Variants in KLHDC8A observed in about 807,000 individuals in gnomAD.
The protein encoded by KLHDC8A is kelch domain containing 8A, also known as kelch domain-containing protein 8A.
KLHDC8A carries 21 observed loss-of-function variants against 33.1 expected under a neutral mutation model. That is an observed-to-expected ratio of 0.64 (90% CI 0.45 to 0.91). The LOEUF (loss-of-function observed/expected upper bound fraction) is 0.91, where lower values mean the gene tolerates loss of function less well. KLHDC8A is among the 40% of genes least tolerant of loss of function. KLHDC8A has a pLI of 0.00. For missense variants in KLHDC8A, 435 were observed against 483.3 expected, an observed-to-expected ratio of 0.90 and a Z score of 0.94; for synonymous variants, 173 against 193.5, an observed-to-expected ratio of 0.89 and a Z score of 0.88.
intron 1 of KLHDC8A, among the ~76,000 whole-genome samples, chr1:205,345,393 A>G (rs944730945): frequency 6.6e-6 from 1 of 152,196 alleles, no homozygotes; most frequent in African/African-American, 2.4e-5. Context: ...TTACAAAACT[A>G]TAGCACAGTA....
intron 2 of KLHDC8A, 24 bp downstream of exon 2, chr1:205,343,205 G>C: frequency 6.5e-7 from 1 of 1,546,268 alleles, no homozygotes; most frequent in Non-Finnish European, 8.8e-7. Context: ...CTCTCTGGCC[G>C]CCCTCAGCCC....
chr1:205,356,035 T>C (rs1663258287), intron 1 of KLHDC8A, among the ~76,000 whole-genome samples: 1 of 152,180 alleles, frequency 6.6e-6, no homozygotes, highest in African/African-American at 2.4e-5. Flanking sequence ...CCGTCACCTG[T>C]ATAGTGAACA....
In KLHDC8A at chr1:205,343,559, G is replaced by A. The variant is rs1662856152; in HGVS notation, c.46C>T (p.Pro16Ser). ...VKDFQWKRLA[P>S]LPSRRVYCSL... ...CAGTAGACCCGGCGGCTGGGCAGTG[G>A]CGCCAGGCGCTTCCACTGGAAGTCC... is the stretch of plus-strand genomic sequence containing the variant. Residue 16 changes from proline (P) to serine (S), a missense_variant, in exon 2 of 6, where the codon CCA becomes TCA. Physicochemically the swap from Pro to Ser is moderately conservative, Grantham distance 74 (BLOSUM62 -1). Transcript: ENST00000367155. 3.7e-6 allele frequency: 6 copies of A among 1,610,778 alleles called. No homozygotes were observed. Among genetic ancestry groups the A allele is most frequent in the South Asian group, 2.2e-5 (2 of 91,024 alleles).
chr1:205,352,732 CA>C (rs993337900), intron 1 of KLHDC8A, among the ~76,000 whole-genome samples: 1 of 152,206 alleles, frequency 6.6e-6, no homozygotes, highest in African/African-American at 2.4e-5. Flanking sequence ...ACTCCTGGGG[CA>C]GGTGGGTGTG....
chr1:205,352,843 G>C (rs1663155014), intron 1 of KLHDC8A, among the ~76,000 whole-genome samples: 1 of 152,246 alleles, frequency 6.6e-6, no homozygotes, highest in African/African-American at 2.4e-5. Context: ...CCTGTAGCCT[G>C]TCGCCAGGAG....
chr1:205,351,112 C>T (rs1257571998), intron 1 of KLHDC8A: 10 of 629,902 alleles, frequency 1.6e-5, no homozygotes, highest in Non-Finnish European at 2.9e-5. Context: ...GAGAAGGGTC[C>T]ACTCCCCGAA....
intron 2 of KLHDC8A, among the ~76,000 whole-genome samples, chr1:205,341,352 C>T (rs1279284109): frequency 3.0e-5 from 1 of 32,872 alleles, no homozygotes; most frequent in African/African-American, 6.1e-5. Flanking sequence ...ACTTTCCAAT[C>T]TTATTGGAAA....
intron 1 of KLHDC8A, among the ~76,000 whole-genome samples, chr1:205,353,844 C>T (rs1663190917): frequency 1.3e-5 from 2 of 152,216 alleles, no homozygotes; most frequent in African/African-American, 4.8e-5. Context: ...ATCTCTACAA[C>T]AACCTTGAGA....
intron 1 of KLHDC8A, among the ~76,000 whole-genome samples, chr1:205,348,811 C>T (rs937217947): frequency 2.0e-5 from 3 of 152,186 alleles, no homozygotes; most frequent in African/African-American, 7.2e-5. Flanking sequence ...CCATACCCTC[C>T]TGTAGCCAAT....
rs1169451466 is a variant in KLHDC8A, at chr1:205,343,647, G to A, written c.-43C>T. ...CCCGGGCGCCGGGAGAGGTGCGAGC[G>A]CGGGGGTCCACCGGCTACTTGGCGC... On this transcript the variant is annotated 5_prime_UTR_variant, in exon 2 of 6. Transcript: ENST00000367155. The A allele has an allele frequency of 4.6e-6, 7 of 1,519,890 alleles. No individual in the cohort carries two copies. The highest frequency in any genetic ancestry group is 1.8e-6 in the Non-Finnish European group (2 of 1,134,610). The allele number at this position is 1,519,890 out of a possible 1,614,324, so 94.2% of individuals were successfully genotyped here.
At chr1:205,347,099 C>T (rs1027092046) in intron 1 of KLHDC8A, among the ~76,000 whole-genome samples, 1 of 152,200 alleles carries the variant, frequency 6.6e-6, no homozygotes, top group Non-Finnish European at 1.5e-5. Context: ...TCCATCTCCC[C>T]CATCTCTCTT....
At chr1:205,351,509 C>G in intron 1 of KLHDC8A, 1 of 764,000 alleles carries the variant, frequency 1.3e-6, no homozygotes, top group Non-Finnish European at 2.4e-6. Flanking sequence ...AACCCATGCT[C>G]TCTCTCCATA....
intron 1 of KLHDC8A, chr1:205,351,375 T>C: frequency 1.1e-6 from 1 of 881,932 alleles, no homozygotes; most frequent in Non-Finnish European, 2.0e-6. Context: ...TTGTGATAGA[T>C]GAATGTGTGG....
At chr1:205,348,874 A>G (rs1663018446) in intron 1 of KLHDC8A, among the ~76,000 whole-genome samples, 1 of 152,090 alleles carries the variant, frequency 6.6e-6, no homozygotes, top group Admixed American at 6.6e-5. Flanking sequence ...GCTAGCTGAA[A>G]TCTCATCTGC....
intron 1 of KLHDC8A, among the ~76,000 whole-genome samples, chr1:205,345,148 T>G (rs781503927): frequency 2.6e-5 from 4 of 152,180 alleles, no homozygotes; most frequent in Non-Finnish European, 4.4e-5. Flanking sequence ...TCCTACCTGG[T>G]TCTTTCAAAT....
intron 1 of KLHDC8A, among the ~76,000 whole-genome samples, chr1:205,353,031 A>G (rs1350834535): frequency 6.6e-6 from 1 of 152,146 alleles, no homozygotes; most frequent in African/African-American, 2.4e-5. Flanking sequence ...AGAAAGGACT[A>G]TTTTCTTCCT....
rs7526701 is a variant in KLHDC8A, at chr1:205,343,720, G to A, written c.-116C>T. Reference sequence around the variant, plus strand: ...CACCTCCATCTGGCTCCCGAGCGCCGGACCCAGCCAGACCCCGGCCAGTGC... The same window carrying A: ...CACCTCCATCTGGCTCCCGAGCGCCAGACCCAGCCAGACCCCGGCCAGTGC... On this transcript the variant is annotated 5_prime_UTR_variant, in exon 2 of 6. Coordinates refer to ENST00000367155, the MANE Select transcript of KLHDC8A (RefSeq NM_018203.3). 0.39 allele frequency: 464,653 copies of A among 1,186,094 alleles called. 91,739 individuals are homozygous for A. The highest frequency in any genetic ancestry group is 0.48 in the East Asian group (18,450 of 38,596). 73.5% of individuals were successfully genotyped at this position (1,186,094 alleles called of 1,614,324 possible).
chr1:205,344,989 G>A (rs183682337), intron 1 of KLHDC8A, among the ~76,000 whole-genome samples: 1 of 152,188 alleles, frequency 6.6e-6, no homozygotes, highest in East Asian at 1.9e-4. Context: ...CTCCGTCCTC[G>A]GCACCAACTC....
At chr1:205,344,643 C>A (rs1662896607) in intron 1 of KLHDC8A, among the ~76,000 whole-genome samples, 1 of 152,202 alleles carries the variant, frequency 6.6e-6, no homozygotes, top group African/African-American at 2.4e-5. Context: ...GCCAGCTTTG[C>A]TGGGGGGAGG....
Sources: allele counts gnomAD v4.1 joint callset (sites outside exome capture counted in the v4.1 genomes callset), GRCh38; gene constraint gnomAD v4.1.1; transcripts MANE v1.5; gene names NCBI Gene and HGNC (gene_info 2026-07-23, HGNC 2026-07-21).